ZFHX3: variants seen among roughly 807,000 people sequenced by gnomAD.
ZFHX3 encodes zinc finger homeobox protein 3.
ZFHX3 carries 42 observed loss-of-function variants against 279.1 expected under a neutral mutation model. That is an observed-to-expected ratio of 0.15 (90% CI 0.12 to 0.19). ZFHX3 has a LOEUF of 0.19. Ranked by LOEUF, ZFHX3 falls within the 10% of genes least tolerant of loss-of-function variation. ZFHX3 has a pLI of 1.00. For missense variants in ZFHX3, 4,981 were observed against 4,754.0 expected (o/e 1.05, Z -1.40); for synonymous variants, 2,293 against 1,957.8 (o/e 1.17, Z -4.52).
intron 1 of ZFHX3, among the ~76,000 whole-genome samples, chr16:73,764,497 T>C (rs2053906632): frequency 6.6e-6 from 1 of 152,160 alleles, no homozygotes; most frequent in South Asian, 2.1e-4. Flanking sequence ...GAATTCATAG[T>C]GATCTTATTG....
Position 72,788,058 on chromosome 16 carries a change from C to T in ZFHX3, c.10218G>A (p.Gly3406=). The T allele has an allele frequency of 1.2e-6, 2 of 1,611,636 alleles. No homozygotes were observed. Among genetic ancestry groups the T allele is most frequent in the Non-Finnish European group, 1.7e-6 (2 of 1,179,766 alleles). ...CAGGGTCTTTGTCTGGGGAAGGAGC[C>T]CCGGGGGGGACTGGGGTTTGGCTTG... ...PKASQTPVPP[G]APSPDKDPAK... Residue 3406 remains glycine, a synonymous_variant, in exon 10 of 10, where the codon GGG becomes GGA. Transcript: ENST00000268489.
chr16:73,193,588 A>G (rs1968086887), intron 5 of ZFHX3, among the ~76,000 whole-genome samples: 1 of 152,170 alleles, frequency 6.6e-6, no homozygotes, highest in Non-Finnish European at 1.5e-5. Flanking sequence ...CTCACTTTGT[A>G]GGGTTCACAG....
intron 4 of ZFHX3, among the ~76,000 whole-genome samples, chr16:72,839,409 C>T (rs1012122655): frequency 3.9e-5 from 6 of 152,110 alleles, no homozygotes; most frequent in Non-Finnish European, 7.4e-5. Flanking sequence ...TTCTTTCAAA[C>T]AGTATTTTAC....
intron 1 of ZFHX3, among the ~76,000 whole-genome samples, chr16:73,804,573 C>T (rs944976279): frequency 1.3e-5 from 2 of 152,246 alleles, no homozygotes; most frequent in East Asian, 1.9e-4. Flanking sequence ...TAAAAAACAA[C>T]AGCTTAGTAT....
At chr16:73,177,354 T>C (rs1297354001) in intron 5 of ZFHX3, among the ~76,000 whole-genome samples, 3 of 152,182 alleles carry the variant, frequency 2.0e-5, no homozygotes, top group Non-Finnish European at 4.4e-5. Flanking sequence ...AATTTTATAG[T>C]GAAAACTTGC....
At chr16:73,062,451 T>C (rs1965695890), upstream of ZFHX3, 1 of 152,222 alleles carries the variant, frequency 6.6e-6, no homozygotes, top group Non-Finnish European at 1.5e-5. Context: ...CCAGATCTGT[T>C]TGAAGCCACT....
chr16:73,098,564 G>A (rs933948363), intron 7 of ZFHX3, among the ~76,000 whole-genome samples: 1 of 152,086 alleles, frequency 6.6e-6, no homozygotes, highest in East Asian at 1.9e-4. Flanking sequence ...GTTTTGCCAT[G>A]TTGGCCAGGT....
At chr16:73,741,699 T>C (rs2053659357) in intron 1 of ZFHX3, among the ~76,000 whole-genome samples, 1 of 152,222 alleles carries the variant, frequency 6.6e-6, no homozygotes, top group African/African-American at 2.4e-5. Flanking sequence ...TTTGTTTACT[T>C]ATCTCCACTT....
chr16:72,892,435 A>C (rs2038795175), intron 3 of ZFHX3, among the ~76,000 whole-genome samples: 1 of 152,194 alleles, frequency 6.6e-6, no homozygotes, highest in Non-Finnish European at 1.5e-5. Context: ...CTATTAGAAA[A>C]ATTACAACTG....
intron 4 of ZFHX3, among the ~76,000 whole-genome samples, chr16:73,298,496 C>T (rs536193220): frequency 6.8e-6 from 1 of 147,090 alleles, no homozygotes; most frequent in South Asian, 2.1e-4. Flanking sequence ...TTTATGTTGT[C>T]GTCGTTTTTT....
chr16:73,645,809 C>T (rs1022819524), intron 2 of ZFHX3, among the ~76,000 whole-genome samples: 8 of 152,102 alleles, frequency 5.3e-5, no homozygotes, highest in African/African-American at 1.9e-4. Context: ...CTTTTGGGGT[C>T]CTTCCAGGTC....
chr16:73,386,567 T>G (rs568579575), intron 3 of ZFHX3, among the ~76,000 whole-genome samples: 1 of 152,286 alleles, frequency 6.6e-6, no homozygotes, highest in South Asian at 2.1e-4. Context: ...TGCATTTTCA[T>G]AGGGAGCAAT....
chr16:73,661,594 T>C lies in ZFHX3; in HGVS notation c.-1547+18586A>G, dbSNP rs541460047. On this transcript the variant is annotated intron_variant, in intron 2 of 17. Transcript: ENST00000641206. ...AAAATTAGTCAGGCGTGGTGGTGCA[T>C]GCTTGTAATCCCAGCTACTTGTGAG... Among the ~76,000 whole-genome samples, 69 of 152,176 alleles carry C rather than the reference T, an allele frequency of 4.5e-4. 1 individual carries two copies. The South Asian group carries it at 7.1e-3, about 16-fold the overall frequency.
At chr16:73,518,101 C>T (rs1201055224) in intron 2 of ZFHX3, among the ~76,000 whole-genome samples, 6 of 152,110 alleles carry the variant, frequency 3.9e-5, no homozygotes, top group Non-Finnish European at 8.8e-5. Context: ...CTCTACATAT[C>T]TCAGTTAGGA....
chr16:73,528,101 A>T (rs931467268), intron 2 of ZFHX3, among the ~76,000 whole-genome samples: 2 of 152,210 alleles, frequency 1.3e-5, no homozygotes, highest in African/African-American at 4.8e-5. Flanking sequence ...TTTTCTCTAA[A>T]ATGGGAGCGG....
In ZFHX3 at chr16:73,472,621, T is replaced by TGA. The variant is rs2018689344; in HGVS notation, c.-1546-16364_-1546-16363insTC. On this transcript the variant is annotated intron_variant, in intron 2 of 17. Transcript: ENST00000641206. ...TTTTCCCTCCTTCTCCGTCCTACCG[T>TGA]CTGTGCCATGAGACTGGCCTCTCCA... Among the ~76,000 whole-genome samples the TGA allele has an allele frequency of 3.9e-5, 6 of 152,338 alleles. 1 individual carries two copies. The South Asian group carries it at 1.2e-3, about 32-fold the overall frequency.
chr16:73,872,268 G>C (rs920276506), intron 1 of ZFHX3, among the ~76,000 whole-genome samples: 1 of 151,182 alleles, frequency 6.6e-6, no homozygotes, highest in Non-Finnish European at 1.5e-5. Context: ...CTTTGAGACA[G>C]TCTCATTTTG....
intron 3 of ZFHX3, among the ~76,000 whole-genome samples, chr16:73,366,615 G>C (rs1365171071): frequency 6.7e-6 from 1 of 148,850 alleles, no homozygotes; most frequent in Non-Finnish European, 1.5e-5. Context: ...AAGAGAGAAA[G>C]AGAGAGACAG....
chr16:73,819,336 A>C (rs913999862), intron 1 of ZFHX3, among the ~76,000 whole-genome samples: 1 of 150,600 alleles, frequency 6.6e-6, no homozygotes, highest in Non-Finnish European at 1.5e-5. Flanking sequence ...TGCCTACTAG[A>C]TGCTGGTAGC....
Sources: gnomAD v4.1 joint callset for allele counts (sites outside exome capture counted in the v4.1 genomes callset) on GRCh38, gnomAD v4.1.1 for gene constraint, MANE v1.5 for transcripts, NCBI Gene and HGNC (gene_info 2026-07-23, HGNC 2026-07-21) for gene names.